ACVR1: variants seen among roughly 807,000 people sequenced by gnomAD.
ACVR1 encodes activin A receptor type 1, also known as activin receptor type-1.
In ACVR1, 38 loss-of-function variants were observed where a neutral mutation model predicts 57.1. The observed-to-expected ratio is 0.67, with a 90% confidence interval of 0.51 to 0.87. The LOEUF (loss-of-function observed/expected upper bound fraction) is 0.87, where lower values mean the gene tolerates loss of function less well. Ranked by LOEUF, ACVR1 falls within the 40% of genes least tolerant of loss-of-function variation. ACVR1 has a pLI of 0.00. For missense variants in ACVR1, 463 were observed against 638.2 expected (o/e 0.73, Z 2.96); for synonymous variants, 212 against 228.1 (o/e 0.93, Z 0.63).
intron 1 of ACVR1, among the ~76,000 whole-genome samples, chr2:157,848,070 A>G (rs1407496125): frequency 6.6e-6 from 1 of 152,198 alleles, no homozygotes; most frequent in African/African-American, 2.4e-5. Context: ...CCTGGGTGAG[A>G]TCCTGTAACT....
chr2:157,808,030 C>A (rs940059333), intron 2 of ACVR1, among the ~76,000 whole-genome samples: 1 of 151,918 alleles, frequency 6.6e-6, no homozygotes, highest in Admixed American at 6.6e-5. Flanking sequence ...CAAAGCCTTC[C>A]GTCTCACTCC....
chr2:157,765,984 G>A lies in ACVR1; in HGVS notation c.1003C>T (p.Arg335Ter). The A allele has an allele frequency of 6.2e-7, 1 of 1,614,104 alleles. No individual in the cohort carries two copies. Among genetic ancestry groups the A allele is most frequent in the Non-Finnish European group, 8.5e-7 (1 of 1,179,982 alleles). Residue 335 changes from arginine to a stop codon, truncating the protein, a stop_gained, in exon 8 of 11, where the codon CGA becomes TGA. Transcript: ENST00000434821. LOFTEE classifies it high-confidence loss of function. ...AGAATATTTTTGCTCTTTAAATCTC[G>A]ATGGGCAATGGCTGGTTTCCCTTGG... ...GTQGKPAIAHRDLKSKNILVK... is the reference protein window; with the variant it reads ...GTQGKPAIAH
intron 3 of ACVR1, among the ~76,000 whole-genome samples, chr2:157,789,653 G>A (rs1366952827): frequency 3.9e-5 from 6 of 152,220 alleles, no homozygotes; most frequent in Non-Finnish European, 4.4e-5. Flanking sequence ...AGAAGGAAAT[G>A]GAAGAAATCC....
At chr2:157,773,086 C>T (rs1466124475) in intron 6 of ACVR1, among the ~76,000 whole-genome samples, 1 of 152,184 alleles carries the variant, frequency 6.6e-6, no homozygotes, top group Non-Finnish European at 1.5e-5. Flanking sequence ...CTGCAAAATC[C>T]AGCCCTCGGA....
chr2:157,864,804 C>T (rs1026259898), intron 1 of ACVR1, among the ~76,000 whole-genome samples: 1 of 152,088 alleles, frequency 6.6e-6, no homozygotes, highest in Non-Finnish European at 1.5e-5. Flanking sequence ...TCTATCATAG[C>T]CCTACTGCTT....
intron 1 of ACVR1, among the ~76,000 whole-genome samples, chr2:157,818,816 C>G (rs1012246568): frequency 2.6e-5 from 4 of 152,056 alleles, no homozygotes; most frequent in African/African-American, 9.7e-5. Flanking sequence ...CGGTGGCTCA[C>G]GCCTGTAATC....
chr2:157,818,595 A>C (rs959350456), intron 1 of ACVR1, 36 bp from the exon 2 acceptor site: 2 of 152,296 alleles, frequency 1.3e-5, no homozygotes, highest in African/African-American at 4.8e-5. Flanking sequence ...CCAGCTAAGC[A>C]GAAGAAAATC....
intron 1 of ACVR1, among the ~76,000 whole-genome samples, chr2:157,837,624 C>G (rs1688829307): frequency 6.6e-6 from 1 of 152,140 alleles, no homozygotes; most frequent in African/African-American, 2.4e-5. Context: ...ACATTTTATT[C>G]AAAATAACAA....
At chr2:157,769,969 T>G (rs1264790146) in intron 7 of ACVR1, among the ~76,000 whole-genome samples, 1 of 152,244 alleles carries the variant, frequency 6.6e-6, no homozygotes, top group Non-Finnish European at 1.5e-5. Context: ...ACGATATCCC[T>G]GGGAGCTGTG....
At chr2:157,790,256 G>A (rs1017636884) in intron 3 of ACVR1, 3 of 152,278 alleles carry the variant, frequency 2.0e-5, no homozygotes, top group Non-Finnish European at 2.9e-5. Flanking sequence ...CACATGCTCA[G>A]TAGGCAGGCA....
rs376866118 is a variant in ACVR1, at chr2:157,737,522, A to T, written c.*9T>A. On this transcript the variant is annotated 3_prime_UTR_variant, in exon 11 of 11. Transcript: ENST00000434821. ...ACGTCAAATCTTCCTTCTTGACACT[A>T]TGAAAATGTCAACAGTCAGTTTTCA... The T allele has an allele frequency of 2.4e-5, 38 of 1,613,836 alleles. No homozygotes were observed. Among genetic ancestry groups the T allele is most frequent in the Non-Finnish European group, 3.1e-5 (37 of 1,179,918 alleles).
chr2:157,753,536 G>A (rs1482434539), intron 9 of ACVR1, among the ~76,000 whole-genome samples: 1 of 151,912 alleles, frequency 6.6e-6, no homozygotes, highest in Non-Finnish European at 1.5e-5. Context: ...TCAAAAAAAA[G>A]AAGCCTTGTC....
chr2:157,764,363 CTTTTTTT>C (rs113156681), intron 8 of ACVR1, among the ~76,000 whole-genome samples: 3 of 133,724 alleles, frequency 2.2e-5, no homozygotes, highest in East Asian at 2.1e-4. Context: ...TATTATTTTT[CTTTTTTT>C]TTTTTTTTTG....
chr2:157,800,059 G>A (rs1687266461), intron 2 of ACVR1, among the ~76,000 whole-genome samples: 1 of 152,074 alleles, frequency 6.6e-6, no homozygotes, highest in African/African-American at 2.4e-5. Flanking sequence ...CCCCATCTAA[G>A]GCAAAGCAAT....
In ACVR1 at chr2:157,876,241, G is replaced by A. The variant is rs1049521091; in HGVS notation, c.-628C>T. Among the ~76,000 whole-genome samples the A allele has an allele frequency of 1.2e-4, 18 of 149,400 alleles. No individual in the cohort carries two copies. The highest frequency in any genetic ancestry group is 3.4e-4 in the African/African-American group (14 of 40,858). ...GGGCGGACCAGCTGGGCTTGCCCCC[G>A]GGGGCGGCGGGGGAGACCGTCACAG... On this transcript the variant is annotated 5_prime_UTR_variant, in exon 1 of 11. Coordinates refer to ENST00000434821, the MANE Select transcript of ACVR1 (RefSeq NM_001111067.4).
At chr2:157,805,811 T>C (rs979480340) in intron 2 of ACVR1, among the ~76,000 whole-genome samples, 3 of 100,834 alleles carry the variant, frequency 3.0e-5, no homozygotes, top group South Asian at 3.8e-4. Context: ...GGTTTTTTTT[T>C]TCTTTTTTCT....
rs34227882 is a variant in ACVR1 at position 157,842,026 on chromosome 2, C to CAAA, written c.-182-23470_-182-23468dup. 1.5e-3 allele frequency among the ~76,000 whole-genome samples: 148 copies of CAAA among 99,518 alleles called. 2 individuals are homozygous for CAAA. Among genetic ancestry groups the CAAA allele is most frequent in the African/African-American group, 5.1e-3 (120 of 23,520 alleles). 65.3% of individuals were successfully genotyped at this position (99,518 alleles called of 152,430 possible). ...TGGGCGACACAGAGAGACTCCATCT[C>CAAA]AAAAAAAAAAAAAAAAAAATTAACA... On this transcript the variant is annotated intron_variant, in intron 1 of 10. Transcript: ENST00000434821.
intron 5 of ACVR1, among the ~76,000 whole-genome samples, chr2:157,777,814 C>G (rs1686349897): frequency 6.6e-6 from 1 of 152,136 alleles, no homozygotes; most frequent in African/African-American, 2.4e-5. Flanking sequence ...TAACTGAAGA[C>G]CACAAATTCC....
intron 1 of ACVR1, among the ~76,000 whole-genome samples, chr2:157,856,841 C>T (rs574881677): frequency 6.2e-4 from 95 of 152,254 alleles, no homozygotes; most frequent in African/African-American, 2.1e-3. Flanking sequence ...TTACATGGTC[C>T]GATACTGAGA....
Sources: gnomAD v4.1 joint callset for allele counts (sites outside exome capture counted in the v4.1 genomes callset) on GRCh38, gnomAD v4.1.1 for gene constraint, MANE v1.5 for transcripts, NCBI Gene and HGNC (gene_info 2026-07-23, HGNC 2026-07-21) for gene names.